The following EML6 variants were observed in gnomAD, a reference collection of about 807,000 sequenced individuals.
EML6 encodes the protein EMAP like 6.
Under a neutral mutation model 240.1 loss-of-function variants are expected in EML6, and 154 were observed. That is an observed-to-expected ratio of 0.64 (90% CI 0.56 to 0.73). The LOEUF (loss-of-function observed/expected upper bound fraction) is 0.73, where lower values mean the gene tolerates loss of function less well. Ranked by LOEUF, EML6 falls within the 30% of genes least tolerant of loss-of-function variation. EML6 has a pLI of 0.00. For synonymous variants in EML6, 1,148 were observed against 899.0 expected (o/e 1.28, Z -4.95); for missense variants, 2,964 against 2,474.6 (o/e 1.20, Z -4.20).
chr2:54,918,199 A>T (rs1394642303), intron 26 of EML6, among the ~76,000 whole-genome samples: 1 of 152,090 alleles, frequency 6.6e-6, no homozygotes, highest in East Asian at 1.9e-4. Context: ...TTGTCAGAGC[A>T]TTTTCTCTCC....
At chr2:54,887,390 A>C (rs764874457) in intron 17 of EML6, among the ~76,000 whole-genome samples, 3 of 152,242 alleles carry the variant, frequency 2.0e-5, no homozygotes, top group Non-Finnish European at 2.9e-5. Context: ...TATAATTCTC[A>C]CAGAAAGTGA....
At chr2:54,836,142 T>G (rs1413604757) in intron 7 of EML6, among the ~76,000 whole-genome samples, 1 of 152,142 alleles carries the variant, frequency 6.6e-6, no homozygotes, top group Non-Finnish European at 1.5e-5. Flanking sequence ...GGAGACAGAT[T>G]TGCAGCCAGG....
chr2:54,947,806 G>T (rs1675764459), intron 28 of EML6, among the ~76,000 whole-genome samples: 1 of 152,174 alleles, frequency 6.6e-6, no homozygotes, highest in African/African-American at 2.4e-5. Flanking sequence ...AGACGCCAGG[G>T]TATGAGCTTT....
intron 13 of EML6, among the ~76,000 whole-genome samples, chr2:54,864,783 C>T (rs1167018549): frequency 6.6e-6 from 1 of 152,186 alleles, no homozygotes; most frequent in Non-Finnish European, 1.5e-5. Flanking sequence ...CTCCAAAGTG[C>T]ACATTCTATG....
chr2:54,891,352 A>G (rs541125991), intron 18 of EML6, among the ~76,000 whole-genome samples, 198 bp downstream of exon 18: 5 of 152,374 alleles, frequency 3.3e-5, no homozygotes, highest in African/African-American at 9.6e-5. Context: ...ATATTCATCA[A>G]TACCTAGAAA....
chr2:54,968,625 G>T, intron 40 of EML6, 43 bp from the exon 41 acceptor site: 1 of 1,172,122 alleles, frequency 8.5e-7, no homozygotes, highest in Non-Finnish European at 1.2e-6. Flanking sequence ...TTGCTGAGAG[G>T]AGCCAGGGTC....
chr2:54,753,031 C>T (rs541594561), intron 2 of EML6, among the ~76,000 whole-genome samples: 24 of 152,254 alleles, frequency 1.6e-4, no homozygotes, highest in Admixed American at 1.0e-3. Flanking sequence ...TCACGGTGCC[C>T]GGCTACATTC....
At chr2:54,907,479 C>T (rs547275943) in intron 24 of EML6, among the ~76,000 whole-genome samples, 79 of 152,270 alleles carry the variant, frequency 5.2e-4, no homozygotes, top group African/African-American at 1.9e-3. Flanking sequence ...TGAACTCCAG[C>T]CTGGGTAACA....
At chr2:54,953,263 C>T (rs546141007) in intron 31 of EML6, among the ~76,000 whole-genome samples, 7 of 152,304 alleles carry the variant, frequency 4.6e-5, no homozygotes, top group South Asian at 2.1e-4. Flanking sequence ...TTTCCCTTGA[C>T]GCTTCCTCAT....
chr2:54,781,503 C>A (rs928775298), intron 2 of EML6, among the ~76,000 whole-genome samples: 8 of 152,054 alleles, frequency 5.3e-5, no homozygotes, highest in African/African-American at 1.9e-4. Context: ...CTCTACTTCA[C>A]CTGAGTGAAA....
chr2:54,891,307 G>T (rs1255919135), intron 18 of EML6, among the ~76,000 whole-genome samples, 153 bp downstream of exon 18: 1 of 152,184 alleles, frequency 6.6e-6, no homozygotes, highest in Non-Finnish European at 1.5e-5. Flanking sequence ...CGCTTAGAAC[G>T]CTTGAAGCTT....
At chr2:54,958,915 C>T (rs1402357436) in intron 33 of EML6, among the ~76,000 whole-genome samples, 189 bp from the exon 34 acceptor site, 1 of 152,062 alleles carries the variant, frequency 6.6e-6, no homozygotes, top group South Asian at 2.1e-4. Context: ...ATTTCCAAGC[C>T]AGGTGACTGC....
Position 54,957,785 on chromosome 2 carries a change from C to T in EML6, c.4487-5C>T. On this transcript the variant is annotated splice_region_variant and splice_polypyrimidine_tract_variant and intron_variant, in intron 32 of 41. Transcript: ENST00000356458. The stretch of plus-strand genomic sequence containing the variant: ...GAGCCTCACTGGACTCTGTCACCCA[C>T]ACAGGTGCCAAGGTTGCCAGCCGAG... 4 of 1,549,614 alleles carry T rather than the reference C, an allele frequency of 2.6e-6. No individual in the cohort carries two copies. Among genetic ancestry groups the T allele is most frequent in the Non-Finnish European group, 3.5e-6 (4 of 1,146,866 alleles).
At chr2:54,740,604 T>TA (rs993884529) in intron 2 of EML6, among the ~76,000 whole-genome samples, 2 of 152,230 alleles carry the variant, frequency 1.3e-5, no homozygotes, top group Non-Finnish European at 2.9e-5. Context: ...CTTTTCTTCT[T>TA]ACATCTGCTT....
At chr2:54,822,928 A>C (rs561921447) in intron 5 of EML6, among the ~76,000 whole-genome samples, 46 of 152,234 alleles carry the variant, frequency 3.0e-4, no homozygotes, top group Non-Finnish European at 2.9e-5. Context: ...ATAAACATTT[A>C]ATAATCCTGT....
At chr2:54,965,204 G>A (rs1449794900) in intron 38 of EML6, among the ~76,000 whole-genome samples, 1 of 152,196 alleles carries the variant, frequency 6.6e-6, no homozygotes, top group African/African-American at 2.4e-5. Flanking sequence ...TGGAAGGGAG[G>A]GAGAGGGTTC....
At chr2:54,750,885 T>C (rs1572855366) in intron 2 of EML6, among the ~76,000 whole-genome samples, 1 of 152,146 alleles carries the variant, frequency 6.6e-6, no homozygotes, top group East Asian at 1.9e-4. Context: ...AAATTGTGAT[T>C]GGCAGTCCTC....
chr2:54,800,037 G>A (rs747723778), intron 2 of EML6, among the ~76,000 whole-genome samples: 4 of 152,152 alleles, frequency 2.6e-5, no homozygotes, highest in Non-Finnish European at 5.9e-5. Context: ...ATGAGGTCAG[G>A]AGATTGAGAC....
At chr2:54,825,787 G>C (rs1188993578) in intron 5 of EML6, among the ~76,000 whole-genome samples, 2 of 152,076 alleles carry the variant, frequency 1.3e-5, no homozygotes, top group Admixed American at 6.6e-5. Context: ...GGCCACCTTG[G>C]GGGTATAGCC....
Sources: allele counts gnomAD v4.1 joint callset (sites outside exome capture counted in the v4.1 genomes callset), GRCh38; gene constraint gnomAD v4.1.1; transcripts MANE v1.5; gene names NCBI Gene and HGNC (gene_info 2026-07-23, HGNC 2026-07-21).